Variants in EFCAB7 observed in about 807,000 individuals in gnomAD.
EFCAB7 encodes the protein EF-hand calcium-binding domain-containing protein 7.
In EFCAB7, 66 loss-of-function variants were observed where a neutral mutation model predicts 77.1. The observed-to-expected ratio is 0.86, with a 90% CI of 0.70 to 1.05. EFCAB7 has a LOEUF of 1.05. Ranked by LOEUF, EFCAB7 falls within the 50% of genes least tolerant of loss-of-function variation. EFCAB7 has a pLI of 0.00. For missense variants in EFCAB7, 638 were observed against 730.5 expected (o/e 0.87, Z 1.46); for synonymous variants, 225 against 243.3 (o/e 0.92, Z 0.70).
At chr1:63,578,560 G>A in the EFCAB7 span, among the ~76,000 whole-genome samples, 1 of 151,736 alleles carries the variant, frequency 6.6e-6, no homozygotes, top group Non-Finnish European at 1.5e-5. Flanking sequence ...TCCTGCCTCA[G>A]CCTCCCGAGT....
chr1:63,581,744 A>G, the EFCAB7 span, among the ~76,000 whole-genome samples: 15 of 152,352 alleles, frequency 9.8e-5, no homozygotes, highest in African/African-American at 3.6e-4. Context: ...AACTCACTGC[A>G]TAGCCTAGAA....
At chr1:63,584,571 A>G in the EFCAB7 span, among the ~76,000 whole-genome samples, 13 of 152,218 alleles carry the variant, frequency 8.5e-5, no homozygotes, top group South Asian at 2.7e-3. Context: ...AAAAAATTAC[A>G]GTGTATTTCC....
chr1:63,545,173 T>A (rs1411406809), intron 6 of EFCAB7, among the ~76,000 whole-genome samples: 2 of 152,048 alleles, frequency 1.3e-5, no homozygotes, highest in Non-Finnish European at 2.9e-5. Flanking sequence ...CACCTCAGCC[T>A]CCCAAAGTGC....
At chr1:63,538,540 G>A (rs1267808765) in intron 6 of EFCAB7, among the ~76,000 whole-genome samples, 1 of 151,476 alleles carries the variant, frequency 6.6e-6, no homozygotes, top group Non-Finnish European at 1.5e-5. Flanking sequence ...TGCAACCTCC[G>A]CCTCCCGAGT....
At chr1:63,538,777 G>A (rs2100883305) in intron 6 of EFCAB7, among the ~76,000 whole-genome samples, 1 of 152,218 alleles carries the variant, frequency 6.6e-6, no homozygotes, top group South Asian at 2.1e-4. Context: ...AGTTGAGTAA[G>A]CATTGTATGT....
rs183498421 is a variant in EFCAB7, at chr1:63,528,620, T to C, written c.187+2861T>C. ...TAAATGCTTGAGGCAACAGATACCC[T>C]ATTTACCCTGATGTAATTATTGCAT... On this transcript the variant is annotated intron_variant, in intron 2 of 13. Coordinates refer to ENST00000371088, the MANE Select transcript of EFCAB7 (RefSeq NM_032437.4). 1.1e-3 allele frequency among the ~76,000 whole-genome samples: 160 copies of C among 152,264 alleles called. 2 individuals carry two copies. The highest frequency in any genetic ancestry group is 3.6e-3 in the African/African-American group (149 of 41,564).
At chr1:63,542,481 G>GCTT (rs1646840061) in intron 6 of EFCAB7, among the ~76,000 whole-genome samples, 1 of 152,306 alleles carries the variant, frequency 6.6e-6, no homozygotes, top group South Asian at 2.1e-4. Flanking sequence ...AGCTGGAATT[G>GCTT]CTAGGTCATA....
intron 4 of EFCAB7, 150 bp downstream of exon 4, chr1:63,532,906 C>T: frequency 1.7e-6 from 1 of 585,780 alleles, no homozygotes; most frequent in Non-Finnish European, 2.9e-6. Context: ...AATCAGTTAA[C>T]ATGTCAACTA....
At chr1:63,576,576 T>G (rs1263446512), downstream of EFCAB7, among the ~76,000 whole-genome samples, 1 of 151,426 alleles carries the variant, frequency 6.6e-6, no homozygotes, top group Admixed American at 6.6e-5. Context: ...TCCCAGCACT[T>G]TGGGAGGCTG....
In EFCAB7 at chr1:63,568,399, G is replaced by A. The variant is rs111230159; in HGVS notation, c.1587G>A (p.Glu529=). The A allele has an allele frequency of 2.8e-4, 436 of 1,582,098 alleles. 4 individuals carry two copies. The African/African-American group carries it at 5.2e-3, about 19-fold the overall frequency. ...TGGAGGCATGTAGTGGACAACTTGAGAAGGCCATTTGTAAATCTGTTCTTA... is the reference window on the plus strand; with the variant it reads ...TGGAGGCATGTAGTGGACAACTTGAAAAGGCCATTTGTAAATCTGTTCTTA... ...VHMEACSGQL[E]KAICKSVLSN... is the part of the protein sequence containing the mutation. Residue 529 remains glutamate, a synonymous_variant, in exon 12 of 14, where the codon GAG becomes GAA. Transcript: ENST00000371088.
At chr1:63,564,042 T>G (rs931054586) in intron 11 of EFCAB7, among the ~76,000 whole-genome samples, 4 of 152,158 alleles carry the variant, frequency 2.6e-5, no homozygotes, top group African/African-American at 9.6e-5. Flanking sequence ...AAAATTTACT[T>G]TCTTTTTTAG....
At chr1:63,580,012 T>A in the EFCAB7 span, among the ~76,000 whole-genome samples, 1 of 152,212 alleles carries the variant, frequency 6.6e-6, no homozygotes, top group Non-Finnish European at 1.5e-5. Context: ...TTCTCTTCTG[T>A]AGATAGTCTT....
intron 8 of EFCAB7, among the ~76,000 whole-genome samples, chr1:63,552,817 C>T (rs1646982441): frequency 6.6e-6 from 1 of 152,144 alleles, no homozygotes; most frequent in African/African-American, 2.4e-5. Flanking sequence ...TTTTTGTAGG[C>T]TTCCTTACAG....
intron 8 of EFCAB7, 158 bp downstream of exon 8, chr1:63,551,992 T>G: frequency 4.4e-6 from 1 of 228,484 alleles, no homozygotes; most frequent in Non-Finnish European, 8.3e-6. Flanking sequence ...TGTTTTTAAT[T>G]TAATCATATT....
chr1:63,525,207 T>C (rs1286279216), intron 1 of EFCAB7, among the ~76,000 whole-genome samples: 1 of 152,184 alleles, frequency 6.6e-6, no homozygotes, highest in Non-Finnish European at 1.5e-5. Flanking sequence ...GACTTTCGTA[T>C]TTTGAGAGAA....
At chr1:63,537,613 T>C (rs1646778592) in intron 6 of EFCAB7, among the ~76,000 whole-genome samples, 1 of 152,172 alleles carries the variant, frequency 6.6e-6, no homozygotes, top group Non-Finnish European at 1.5e-5. Context: ...GTTCAACCTG[T>C]CAATTAGATT....
At chr1:63,561,198 G>A (rs2100918639) in intron 10 of EFCAB7, among the ~76,000 whole-genome samples, 1 of 152,284 alleles carries the variant, frequency 6.6e-6, no homozygotes. Flanking sequence ...AAGACTTGGG[G>A]ACAATTTAGC....
chr1:63,566,226 CT>C (rs1195019058), intron 11 of EFCAB7, among the ~76,000 whole-genome samples: 1 of 152,204 alleles, frequency 6.6e-6, no homozygotes, highest in Non-Finnish European at 1.5e-5. Flanking sequence ...AGCCATTATC[CT>C]TAGCAAACTA....
At chr1:63,563,962 C>CT (rs910032778) in intron 11 of EFCAB7, among the ~76,000 whole-genome samples, 7 of 151,870 alleles carry the variant, frequency 4.6e-5, no homozygotes, top group African/African-American at 7.2e-5. Flanking sequence ...TTTTGCCCCC[C>CT]TTTTTTTTCT....
Sources: allele counts gnomAD v4.1 joint callset (sites outside exome capture counted in the v4.1 genomes callset), GRCh38; gene constraint gnomAD v4.1.1; transcripts MANE v1.5; gene names NCBI Gene and HGNC (gene_info 2026-07-23, HGNC 2026-07-21).